The following PFKFB3 variants were observed in gnomAD, a reference collection of about 807,000 sequenced individuals.
PFKFB3 encodes 6-phosphofructo-2-kinase/fructose-2,6-bisphosphatase 3.
PFKFB3 carries 33 observed loss-of-function variants against 68.0 expected under a neutral mutation model. That is an observed-to-expected ratio of 0.49 (90% CI 0.37 to 0.65). PFKFB3 has a LOEUF of 0.65. Ranked by LOEUF, PFKFB3 falls within the 30% of genes least tolerant of loss-of-function variation. The probability of loss-of-function intolerance (pLI) is 0.00; values close to 1 mark genes in which losing one functional copy is unlikely to be tolerated. For missense variants in PFKFB3, 586 were observed against 712.2 expected, an observed-to-expected ratio of 0.82 and a Z score of 2.02; for synonymous variants, 315 against 288.2, an observed-to-expected ratio of 1.09 and a Z score of -0.94.
chr10:6,191,720 G>A (rs1288706360), intron 1 of PFKFB3, among the ~76,000 whole-genome samples: 1 of 152,152 alleles, frequency 6.6e-6, no homozygotes, highest in East Asian at 1.9e-4. Context: ...CTGGCCCACC[G>A]CTGTCCACTG....
rs1843449289 is a variant in PFKFB3, at chr10:6,203,195, G to A, written c.-66G>A. 3 of 1,574,070 alleles carry A rather than the reference G, an allele frequency of 1.9e-6. No individual in the cohort carries two copies. Among genetic ancestry groups the A allele is most frequent in the South Asian group, 1.2e-5 (1 of 86,544 alleles). ...CTCCTCCTTTGTTCCGGGGGTCGGC[G>A]GCCGCTCTCCTGCCAGCGTCGGGAT... On this transcript the variant is annotated 5_prime_UTR_variant, in exon 1 of 15. Coordinates refer to ENST00000379775, the MANE Select transcript of PFKFB3 (RefSeq NM_004566.4).
At chr10:6,161,055 A>T (rs542234793) in intron 1 of PFKFB3, among the ~76,000 whole-genome samples, 2 of 151,230 alleles carry the variant, frequency 1.3e-5, no homozygotes, top group Non-Finnish European at 2.9e-5. Flanking sequence ...CCTGCCTCAG[A>T]CTCCCGAGTA....
At chr10:6,181,992 C>T (rs866389162) in intron 1 of PFKFB3, among the ~76,000 whole-genome samples, 1 of 151,918 alleles carries the variant, frequency 6.6e-6, no homozygotes, top group South Asian at 2.1e-4. Flanking sequence ...TGGATGGTAG[C>T]GATGGCTGCA....
Position 6,228,692 on chromosome 10 carries a change from G to A in PFKFB3, c.1515+2327G>A, listed in dbSNP as rs1030715405. ...GTAAACCAAACCTATGGGGAATAGT[G>A]GGAGTGTGGTGGGGCCTGAGCTCTG... On this transcript the variant is annotated intron_variant, in intron 14 of 14. Transcript: ENST00000379775. The surrounding 1 kb of genome is among the most constrained non-coding windows in gnomAD (Gnocchi z 4.5). Among the ~76,000 whole-genome samples, 13 of 70,870 alleles carry A rather than the reference G, an allele frequency of 1.8e-4. No homozygotes were observed. Among genetic ancestry groups the A allele is most frequent in the East Asian group, 1.3e-3 (6 of 4,494 alleles). 46.5% of individuals were successfully genotyped at this position (70,870 alleles called of 152,430 possible).
At chr10:6,255,926 ACCCGGTT>A (rs1041961596), downstream of PFKFB3, among the ~76,000 whole-genome samples, 6 of 152,034 alleles carry the variant, frequency 3.9e-5, no homozygotes, top group Admixed American at 3.3e-4. Flanking sequence ...CCTGACATTC[ACCCGGTT>A]CCTCCTGGGC....
chr10:6,294,268 A>G, the PFKFB3 span: 1 of 526,724 alleles, frequency 1.9e-6, no homozygotes, highest in Non-Finnish European at 3.9e-6. Flanking sequence ...AAAGCAGTGT[A>G]TTAATCTGTT....
intron 1 of PFKFB3, among the ~76,000 whole-genome samples, chr10:6,163,183 C>A (rs1266096534): frequency 6.6e-6 from 1 of 152,034 alleles, no homozygotes; most frequent in Non-Finnish European, 1.5e-5. Flanking sequence ...GTGATGACAC[C>A]GAGTTGAGGG....
chr10:6,171,726 T>C (rs1006898215), intron 1 of PFKFB3, among the ~76,000 whole-genome samples: 1 of 152,262 alleles, frequency 6.6e-6, no homozygotes, highest in African/African-American at 2.4e-5. Flanking sequence ...ATTTCTATCA[T>C]GTACATAATG....
the PFKFB3 span, among the ~76,000 whole-genome samples, chr10:6,312,385 C>T: frequency 4.9e-3 from 753 of 152,256 alleles, 8 homozygotes; most frequent in Non-Finnish European, 4.4e-3. Flanking sequence ...CTCTCCATCT[C>T]GGCTCCAATC....
At chr10:6,188,454 T>C (rs1842931495) in intron 1 of PFKFB3, among the ~76,000 whole-genome samples, 1 of 151,840 alleles carries the variant, frequency 6.6e-6, no homozygotes, top group African/African-American at 2.4e-5. Context: ...GCACTGATTT[T>C]TTTTTAAACA....
intron 1 of PFKFB3, among the ~76,000 whole-genome samples, chr10:6,163,334 G>C (rs188396232): frequency 3.0e-4 from 45 of 152,300 alleles, no homozygotes; most frequent in African/African-American, 1.1e-3. Flanking sequence ...CTCAATCACT[G>C]CACAAGTGTA....
At chr10:6,172,999 G>T (rs979681146) in intron 1 of PFKFB3, among the ~76,000 whole-genome samples, 1 of 152,094 alleles carries the variant, frequency 6.6e-6, no homozygotes, top group East Asian at 1.9e-4. Flanking sequence ...CAGTGGCCCA[G>T]CTCTTCCCAG....
At position 6,215,242 on chromosome 10, in the gene PFKFB3, G is replaced by T; in HGVS notation, c.224G>T (p.Arg75Leu). Residue 75 changes from arginine (R) to leucine (L), a missense_variant, in exon 3 of 15, where the codon CGC (arginine) becomes CTC (leucine). Transcript: ENST00000379775. This position sits in a 1 kb window ranked among gnomAD's most constrained non-coding sequence, Gnocchi z 4.3. ...PTKVFNVGEY[R>L]REAVKQYSSY... ...ACAGTGTTCAACGTCGGGGAGTATC[G>T]CCGGGAGGCTGTGAAGCAGTACAGC... 1 of 1,613,910 alleles carries T rather than the reference G, an allele frequency of 6.2e-7. No homozygotes were observed. The highest frequency in any genetic ancestry group is 8.5e-7 in the Non-Finnish European group (1 of 1,179,954).
intron 1 of PFKFB3, among the ~76,000 whole-genome samples, chr10:6,158,145 C>T (rs562402900): frequency 1.1e-3 from 173 of 151,792 alleles, no homozygotes; most frequent in Middle Eastern, 3.4e-3. Flanking sequence ...AAAAATTAGC[C>T]GGGCGTGGTG....
At chr10:6,302,916 G>A in the PFKFB3 span, among the ~76,000 whole-genome samples, 142 of 152,182 alleles carry the variant, frequency 9.3e-4, 1 homozygote, top group African/African-American at 3.1e-3. Context: ...TGGACATGGC[G>A]TCTCCCCAGT....
chr10:6,147,897 C>T (rs924465905), intron 1 of PFKFB3, among the ~76,000 whole-genome samples: 3 of 152,228 alleles, frequency 2.0e-5, no homozygotes, highest in Admixed American at 2.0e-4. Context: ...GTGGATTTCC[C>T]TTTTGGAGGA....
chr10:6,242,861 T>A (rs1414723201), intron 14 of PFKFB3, among the ~76,000 whole-genome samples: 2 of 152,236 alleles, frequency 1.3e-5, no homozygotes, highest in African/African-American at 4.8e-5. Flanking sequence ...GTGTTGGGAT[T>A]ACAGGCGTGA....
chr10:6,225,352 G>A (rs1469819551), intron 13 of PFKFB3: 4 of 392,142 alleles, frequency 1.0e-5, no homozygotes, highest in Middle Eastern at 7.5e-4. Context: ...GCTGACCTGA[G>A]AGAGGCTGGG....
At chr10:6,171,932 C>T (rs1440468299) in intron 1 of PFKFB3, among the ~76,000 whole-genome samples, 1 of 152,232 alleles carries the variant, frequency 6.6e-6, no homozygotes, top group Non-Finnish European at 1.5e-5. Flanking sequence ...ATTCTTGTTC[C>T]ATAGATCTGG....
Sources: gnomAD v4.1 joint callset for allele counts (sites outside exome capture counted in the v4.1 genomes callset) on GRCh38, gnomAD v4.1.1 for gene constraint, Gnocchi (gnomAD v3.1) non-coding constraint, MANE v1.5 for transcripts, NCBI Gene and HGNC (gene_info 2026-07-23, HGNC 2026-07-21) for gene names.